Variants in RFX6 observed in about 807,000 individuals in gnomAD.
The protein encoded by RFX6 is DNA-binding protein RFX6.
RFX6 carries 50 observed loss-of-function variants against 110.8 expected under a neutral mutation model. The ratio of observed to expected loss-of-function variants is 0.45; its 90% CI spans 0.36 to 0.57. The LOEUF (loss-of-function observed/expected upper bound fraction) is 0.57. Among genes scored for constraint, RFX6 ranks in the 20% least tolerant of loss-of-function variants. The pLI, the probability that RFX6 is intolerant of heterozygous loss-of-function variation, is 0.00. For missense variants in RFX6, 990 were observed against 1,127.0 expected (o/e 0.88, Z 1.74); for synonymous variants, 383 against 411.2 (o/e 0.93, Z 0.83).
chr6:116,909,112 G>T (rs1775276178), intron 6 of RFX6, among the ~76,000 whole-genome samples: 1 of 151,938 alleles, frequency 6.6e-6, no homozygotes, highest in Admixed American at 6.6e-5. Context: ...CTTTGTAAAA[G>T]GATTTTTGAT....
intron 7 of RFX6, among the ~76,000 whole-genome samples, chr6:116,912,884 A>G (rs766041137): frequency 1.3e-5 from 2 of 152,166 alleles, no homozygotes; most frequent in Non-Finnish European, 2.9e-5. Context: ...AGGTGCTTTT[A>G]TAACCCTTGG....
At chr6:116,916,390 A>G in intron 9 of RFX6, 76 bp downstream of exon 9, 5 of 914,278 alleles carry the variant, frequency 5.5e-6, no homozygotes, top group Middle Eastern at 2.1e-4. Context: ...CTTGCAATAT[A>G]TTTTCAGTAA....
intron 2 of RFX6, among the ~76,000 whole-genome samples, chr6:116,878,692 C>T (rs1478715566): frequency 6.6e-6 from 1 of 151,780 alleles, no homozygotes; most frequent in Non-Finnish European, 1.5e-5. Flanking sequence ...TAAATTTCCT[C>T]ACAAATTCCA....
At chr6:116,882,703 C>T (rs1395368195) in intron 4 of RFX6, among the ~76,000 whole-genome samples, 1 of 151,760 alleles carries the variant, frequency 6.6e-6, no homozygotes, top group African/African-American at 2.4e-5. Context: ...CTGAAGGCAC[C>T]AGTGTTATGA....
At chr6:116,894,628 G>C (rs1185650526) in intron 5 of RFX6, among the ~76,000 whole-genome samples, 1 of 150,472 alleles carries the variant, frequency 6.6e-6, no homozygotes, top group South Asian at 2.1e-4. Flanking sequence ...GGGGATATTA[G>C]TAAGTGAGGT....
chr6:116,877,343 G>A lies in RFX6; in HGVS notation c.68G>A (p.Gly23Glu), dbSNP rs967660677. ...QAQPAPQLSPGIQEDCCVQLL... is the reference protein window; with the variant it reads ...QAQPAPQLSPEIQEDCCVQLL... ...CAGCCTGCGCCCCAACTGTCCCCGG[G>A]GATCCAGGAAGACTGCTGTGTGCAG... Residue 23 changes from glycine (G) to glutamate (E), a missense_variant, in exon 1 of 19, where the codon GGG becomes GAG. Gly to Glu is a moderately conservative substitution (Grantham distance 98). Transcript: ENST00000332958. 2.0e-5 allele frequency: 33 copies of A among 1,612,964 alleles called. No individual in the cohort carries two copies. The highest frequency in any genetic ancestry group is 2.8e-5 in the Non-Finnish European group (33 of 1,179,616).
intron 4 of RFX6, among the ~76,000 whole-genome samples, chr6:116,887,802 C>T (rs943649977): frequency 1.1e-4 from 17 of 152,284 alleles, no homozygotes; most frequent in African/African-American, 4.1e-4. Context: ...CTGAGGGTCC[C>T]GTTGCTAACT....
intron 6 of RFX6, among the ~76,000 whole-genome samples, chr6:116,900,999 T>A (rs339299): frequency 6.7e-6 from 1 of 149,450 alleles, no homozygotes; most frequent in Non-Finnish European, 1.5e-5. Flanking sequence ...CAGTAGAAAC[T>A]GTACTTCGAG....
chr6:116,891,970 T>C (rs1252766957), intron 4 of RFX6, among the ~76,000 whole-genome samples: 5 of 152,184 alleles, frequency 3.3e-5, no homozygotes, highest in African/African-American at 1.2e-4. Flanking sequence ...AATGAGCAGT[T>C]ATGATGGTCC....
chr6:116,925,539 G>A lies in RFX6; in HGVS notation c.1765G>A (p.Val589Met). 1 of 1,614,060 alleles carries A rather than the reference G, an allele frequency of 6.2e-7. No individual in the cohort carries two copies. The highest frequency in any genetic ancestry group is 8.5e-7 in the Non-Finnish European group (1 of 1,179,914). ...NKGSMVSSDA[V>M]KNESHVETTY... The stretch of plus-strand genomic sequence containing the variant: ...AGGGAGCATGGTTTCCAGCGACGCT[G>A]TGAAGAATGAAAGCCACGTGGAGAC... The change falls in exon 16 of 19, where the codon GTG (valine) becomes ATG (methionine). Residue 589 changes from valine (V) to methionine (M), a missense_variant. Around this residue, in one of 5 missense-constraint regions of RFX6, gnomAD observed 438 missense variants for 441.9 expected, o/e 0.99. Transcript: ENST00000332958.
At chr6:116,889,774 T>C (rs1774779851) in intron 4 of RFX6, among the ~76,000 whole-genome samples, 1 of 152,134 alleles carries the variant, frequency 6.6e-6, no homozygotes, top group African/African-American at 2.4e-5. Context: ...AAATTTTAAA[T>C]TGTGGTGATA....
intron 14 of RFX6, 137 bp downstream of exon 14, chr6:116,923,361 GTA>G: frequency 1.5e-6 from 1 of 680,896 alleles, no homozygotes; most frequent in Non-Finnish European, 2.7e-6. Flanking sequence ...TGAGAAAATG[GTA>G]TTTATGAGCC....
At position 116,927,743 on chromosome 6, in the gene RFX6, C is replaced by CTTTTTTT. The variant is rs60638457; in HGVS notation, c.2398+217_2398+223dup. On this transcript the variant is annotated intron_variant, in intron 17 of 18. Coordinates refer to ENST00000332958, the MANE Select transcript of RFX6 (RefSeq NM_173560.4). Reference sequence around the variant, plus strand: ...GGCTTTCCTAAAGTTGCCCTTCTTCCTTTTTTTTTTTTTTTTTTTGAGACA... The same window carrying CTTTTTTT: ...GGCTTTCCTAAAGTTGCCCTTCTTCCTTTTTTTTTTTTTTTTTTTTTTTTTTGAGACA... Among the ~76,000 whole-genome samples the CTTTTTTT allele has an allele frequency of 7.5e-5, 9 of 119,518 alleles. 1 individual carries two copies. Among genetic ancestry groups the CTTTTTTT allele is most frequent in the African/African-American group, 1.3e-4 (4 of 31,046 alleles). The allele number at this position is 119,518 out of a possible 152,430, so 78.4% of individuals were successfully genotyped here. A position where few individuals can be genotyped will look rare whatever the true frequency, so the allele number is the denominator to read the frequency against.
At chr6:116,886,703 A>G (rs1774706249) in intron 4 of RFX6, among the ~76,000 whole-genome samples, 1 of 152,234 alleles carries the variant, frequency 6.6e-6, no homozygotes, top group African/African-American at 2.4e-5. Context: ...GTTTGACTGT[A>G]TAAAATGAGC....
chr6:116,880,808 T>C, intron 3 of RFX6, 141 bp downstream of exon 3: 1 of 845,538 alleles, frequency 1.2e-6, no homozygotes, highest in Non-Finnish European at 1.9e-6. Flanking sequence ...TTAAGGACTC[T>C]GTTTGGAATT....
At chr6:116,880,735 A>G in intron 3 of RFX6, 68 bp downstream of exon 3, 1 of 1,532,742 alleles carries the variant, frequency 6.5e-7, no homozygotes, top group Non-Finnish European at 9.0e-7. Flanking sequence ...CATGAAAATG[A>G]ATTCATCTGT....
chr6:116,895,347 C>T, intron 6 of RFX6, 140 bp downstream of exon 6: 2 of 563,418 alleles, frequency 3.5e-6, no homozygotes, highest in East Asian at 2.9e-5. Flanking sequence ...ACTTCAGATA[C>T]AGCTCAATTA....
Position 116,925,445 on chromosome 6 carries a change from C to T in RFX6, c.1679-8C>T, listed in dbSNP as rs1399268716. ...TCTCAAATTTCCCATTTTAAAAACT[C>T]TTTCCAGATGCGAGTAAAGCTGCTT... On this transcript the variant is annotated splice_polypyrimidine_tract_variant and splice_region_variant and intron_variant, in intron 15 of 18. Transcript: ENST00000332958. 1.9e-6 allele frequency: 3 copies of T among 1,611,664 alleles called. No individual in the cohort carries two copies. Among genetic ancestry groups the T allele is most frequent in the East Asian group, 4.5e-5 (2 of 44,868 alleles).
At chr6:116,903,384 T>C (rs1562139652) in intron 6 of RFX6, among the ~76,000 whole-genome samples, 1 of 152,090 alleles carries the variant, frequency 6.6e-6, no homozygotes, top group Non-Finnish European at 1.5e-5. Context: ...TATTTCTTAA[T>C]ATGTGTTTCT....
Sources: gnomAD v4.1 joint callset for allele counts (sites outside exome capture counted in the v4.1 genomes callset) on GRCh38, gnomAD v4.1.1 for gene constraint, gnomAD v4.1.1 regional missense constraint, MANE v1.5 for transcripts, NCBI Gene and HGNC (gene_info 2026-07-23, HGNC 2026-07-21) for gene names.